The following PBK variants were observed in gnomAD, a reference collection of about 807,000 sequenced individuals.
PBK encodes PDZ binding kinase.
Under a neutral mutation model 33.5 loss-of-function variants are expected in PBK, and 22 were observed. The ratio of observed to expected loss-of-function variants is 0.66; its 90% CI spans 0.47 to 0.94. The LOEUF (loss-of-function observed/expected upper bound fraction) is 0.94. Ranked by LOEUF, PBK falls within the 40% of genes least tolerant of loss-of-function variation. The pLI is 0.00. For missense variants in PBK, 376 were observed against 383.4 expected (o/e 0.98, Z 0.16); for synonymous variants, 129 against 123.8 (o/e 1.04, Z -0.28).
chr8:27,818,548 T>C (rs1389242287), intron 6 of PBK, among the ~76,000 whole-genome samples: 1 of 152,196 alleles, frequency 6.6e-6, no homozygotes, highest in African/African-American at 2.4e-5. Flanking sequence ...AGTAAGAACA[T>C]TACATATATA....
chr8:27,823,249 C>T (rs958922343), intron 3 of PBK, 44 bp from the exon 4 acceptor site: 1 of 1,242,420 alleles, frequency 8.0e-7, no homozygotes, highest in Admixed American at 2.5e-5. Flanking sequence ...ACAATAAAAC[C>T]ACAATACTTT....
At chr8:27,816,422 AC>A (rs1384221902) in intron 6 of PBK, among the ~76,000 whole-genome samples, 1 of 149,928 alleles carries the variant, frequency 6.7e-6, no homozygotes, top group African/African-American at 2.5e-5. Context: ...TGTCGCCCAG[AC>A]TGGAGTACAG....
At position 27,809,955 on chromosome 8, in the gene PBK, A is replaced by T. The variant is rs115017161; in HGVS notation, c.*350T>A. On this transcript the variant is annotated 3_prime_UTR_variant, in exon 8 of 8. Coordinates refer to ENST00000301905, the MANE Select transcript of PBK (RefSeq NM_018492.4). ...CTGTACAAAGTGCTAATGTCAGTAGATCCATTAAAATATAGAATATTTAAG... is the reference window on the plus strand; with the variant it reads ...CTGTACAAAGTGCTAATGTCAGTAGTTCCATTAAAATATAGAATATTTAAG... 1 of 235,282 alleles carries T rather than the reference A, an allele frequency of 4.3e-6. No individual in the cohort carries two copies. The highest frequency in any genetic ancestry group is 8.2e-6 in the Non-Finnish European group (1 of 121,422). The allele number at this position is 235,282 out of a possible 1,614,324, so 14.6% of individuals were successfully genotyped here.
At chr8:27,824,217 CATT>C (rs1168344868) in intron 3 of PBK, among the ~76,000 whole-genome samples, 1 of 152,092 alleles carries the variant, frequency 6.6e-6, no homozygotes, top group African/African-American at 2.4e-5. Context: ...ACCTGCATAT[CATT>C]TTATTATGAA....
Position 27,810,948 on chromosome 8 carries a change from G to T in PBK, c.772+10C>A. ...GAGATTGGGATTTATGTTAGAAATT[G>T]TATTCATACCTTCATCATCATCATC... On this transcript the variant is annotated intron_variant, in intron 7 of 7. Coordinates refer to ENST00000301905, the MANE Select transcript of PBK (RefSeq NM_018492.4). The T allele has an allele frequency of 6.8e-7, 1 of 1,480,044 alleles. No individual in the cohort carries two copies. The highest frequency in any genetic ancestry group is 2.3e-5 in the East Asian group (1 of 44,206). 91.7% of individuals were successfully genotyped at this position (1,480,044 alleles called of 1,614,324 possible).
At position 27,821,294 on chromosome 8, in the gene PBK, C is replaced by A. The variant is rs770531767; in HGVS notation, c.466-600G>T. Reference sequence around the variant, plus strand: ...TATTTTTTTCCAAGACAGAGTCTTGCTCTTGTTGCCCAGGCTGGAGTGCAG... The same window carrying A: ...TATTTTTTTCCAAGACAGAGTCTTGATCTTGTTGCCCAGGCTGGAGTGCAG... On this transcript the variant is annotated intron_variant, in intron 5 of 7. Transcript: ENST00000301905. 6.1e-4 allele frequency among the ~76,000 whole-genome samples: 92 copies of A among 151,646 alleles called. 2 individuals are homozygous for A. The highest frequency in any genetic ancestry group is 1.5e-4 in the Non-Finnish European group (10 of 67,874).
chr8:27,831,617 A>G (rs1237133973), intron 2 of PBK, among the ~76,000 whole-genome samples: 2 of 122,290 alleles, frequency 1.6e-5, no homozygotes, highest in Admixed American at 7.8e-5. Context: ...TGCATGCAAC[A>G]TTCACCAACA....
At chr8:27,820,156 A>T (rs530443184) in intron 6 of PBK, among the ~76,000 whole-genome samples, 2 of 152,342 alleles carry the variant, frequency 1.3e-5, no homozygotes, top group East Asian at 3.9e-4. Context: ...ACCAGCCTTC[A>T]TTAGCACCCC....
chr8:27,828,278 A>G (rs1326210505), intron 2 of PBK, 80 bp from the exon 3 acceptor site: 2 of 607,362 alleles, frequency 3.3e-6, no homozygotes, highest in East Asian at 5.8e-5. Flanking sequence ...TACTACTGCC[A>G]AGAGTATTAA....
intron 1 of PBK, among the ~76,000 whole-genome samples, chr8:27,834,240 C>G (rs1806186838): frequency 6.6e-6 from 1 of 152,102 alleles, no homozygotes; most frequent in African/African-American, 2.4e-5. Context: ...ATTGGCCAGG[C>G]TGGTCACGAA....
At chr8:27,831,246 C>T (rs1806123794) in intron 2 of PBK, among the ~76,000 whole-genome samples, 1 of 151,920 alleles carries the variant, frequency 6.6e-6, no homozygotes, top group Admixed American at 6.6e-5. Context: ...CCAGCTACTC[C>T]AGAGGCCAAG....
chr8:27,822,546 C>T (rs1256044536), intron 4 of PBK, 58 bp from the exon 5 acceptor site: 1 of 1,167,808 alleles, frequency 8.6e-7, no homozygotes, highest in African/African-American at 1.6e-5. Flanking sequence ...ATATTTAAGT[C>T]CTTTATAGTA....
chr8:27,822,401 TCTA>T lies in PBK; in HGVS notation c.380_382del (p.Ile127_Glu128delinsLys), dbSNP rs1419666223. 6.2e-7 allele frequency: 1 copy of T among 1,613,188 alleles called. No homozygotes were observed. Among genetic ancestry groups the T allele is most frequent in the Admixed American group, 1.7e-5 (1 of 59,998 alleles). ...ATCTTGGCTGGCTTTATATCGTTCT[TCTA>T]TTAAGTCATTTAGAGACTTTTCACC... On this transcript the variant is annotated inframe_deletion, in exon 5 of 8. Transcript: ENST00000301905.
chr8:27,833,023 G>GT, intron 2 of PBK, 33 bp downstream of exon 2: 2 of 1,236,072 alleles, frequency 1.6e-6, no homozygotes, highest in Non-Finnish European at 2.3e-6. Context: ...AACAACAATA[G>GT]TAAAAAAAAA....
At chr8:27,817,483 CTTT>C (rs1000806072) in intron 6 of PBK, among the ~76,000 whole-genome samples, 1 of 151,466 alleles carries the variant, frequency 6.6e-6, no homozygotes, top group African/African-American at 2.4e-5. Context: ...GTGTTAGTAT[CTTT>C]TATTAGGATT....
intron 6 of PBK, among the ~76,000 whole-genome samples, chr8:27,813,354 CTAATG>C (rs954856677): frequency 2.0e-5 from 3 of 152,042 alleles, no homozygotes; most frequent in Admixed American, 1.3e-4. Flanking sequence ...GGAGAAATAC[CTAATG>C]TAAATGACTA....
intron 5 of PBK, among the ~76,000 whole-genome samples, chr8:27,821,423 G>T (rs768668344): frequency 6.6e-6 from 1 of 151,876 alleles, no homozygotes. Flanking sequence ...CACCATGCCC[G>T]GCTCATTTTT....
intron 7 of PBK, 42 bp from the exon 8 acceptor site, chr8:27,810,543 T>C: frequency 7.8e-7 from 1 of 1,278,684 alleles, no homozygotes; most frequent in Non-Finnish European, 1.1e-6. Context: ...AAAATCACTT[T>C]ATGTCATGGA....
rs1326511163 is a variant in PBK, at chr8:27,837,800, C to A, written c.-169G>T. On this transcript the variant is annotated 5_prime_UTR_variant, in exon 1 of 8. Transcript: ENST00000301905. ...ACGCCCGGCAGCTGCCGTTGCAATT[C>A]GAACCCTCCTGGCTTTCAAAAAGTC... 2 of 152,248 alleles carry A rather than the reference C, an allele frequency of 1.3e-5. No homozygotes were observed. The highest frequency in any genetic ancestry group is 2.1e-4 in the South Asian group (1 of 4,836). The allele number at this position is 152,248 out of a possible 1,614,324, so 9.4% of individuals were successfully genotyped here. A position where few individuals can be genotyped will look rare whatever the true frequency, so the allele number is the denominator to read the frequency against.
Sources: allele counts gnomAD v4.1 joint callset (sites outside exome capture counted in the v4.1 genomes callset), GRCh38; gene constraint gnomAD v4.1.1; transcripts MANE v1.5; gene names NCBI Gene and HGNC (gene_info 2026-07-23, HGNC 2026-07-21).